Variants in DAPK1 observed in about 807,000 individuals in gnomAD.
DAPK1 encodes the protein death associated protein kinase 1.
In DAPK1, 56 loss-of-function variants were observed where a neutral mutation model predicts 144.9. The observed-to-expected ratio is 0.39, with a 90% CI of 0.31 to 0.48. DAPK1 has a LOEUF of 0.48. Among genes scored for constraint, DAPK1 ranks in the 20% least tolerant of loss-of-function variants. The pLI is 0.95. For synonymous variants in DAPK1, 690 were observed against 749.0 expected (o/e 0.92, Z 1.29); for missense variants, 1,454 against 1,875.4 (o/e 0.78, Z 4.15).
At chr9:87,578,082 T>A (rs1463403979) in intron 2 of DAPK1, among the ~76,000 whole-genome samples, 2 of 152,186 alleles carry the variant, frequency 1.3e-5, no homozygotes, top group Admixed American at 6.5e-5. Context: ...CTTCCGATTT[T>A]AAATGTAACT....
chr9:87,499,083 C>G lies in DAPK1; in HGVS notation c.6C>G (p.Thr2=), dbSNP rs758304973. M[T]VFRQENVDDY... is the part of the protein sequence containing the mutation. ...GTGAGGCGTGACAGTTTATCATGAC[C>G]GTGTTCAGGCAGGAAAACGTGGATG... The change falls in exon 2 of 26, where the codon ACC becomes ACG. Residue 2 remains threonine, a synonymous_variant. Transcript: ENST00000408954. 6.2e-7 allele frequency: 1 copy of G among 1,613,882 alleles called. No individual in the cohort carries two copies. The highest frequency in any genetic ancestry group is 1.3e-5 in the African/African-American group (1 of 74,882).
At chr9:87,648,660 G>T in intron 14 of DAPK1, 121 bp from the exon 15 acceptor site, 5 of 827,978 alleles carry the variant, frequency 6.0e-6, no homozygotes, top group African/African-American at 1.7e-5. Flanking sequence ...CCCAAGGTGG[G>T]TGGGTGGAAC....
intron 21 of DAPK1, among the ~76,000 whole-genome samples, chr9:87,689,334 G>A (rs1419557411): frequency 6.6e-6 from 1 of 151,688 alleles, no homozygotes; most frequent in East Asian, 2.0e-4. Context: ...TTTGGTTACT[G>A]TAGACCTTTG....
chr9:87,572,075 T>G (rs568681369), intron 2 of DAPK1, among the ~76,000 whole-genome samples: 2 of 152,248 alleles, frequency 1.3e-5, no homozygotes, highest in African/African-American at 2.4e-5. Context: ...AAAGACTTGC[T>G]CAGCATTGGC....
rs1564000933 is a variant in DAPK1, at chr9:87,571,482, CA to C, written c.63-33471del. ...ACACACACACACACACACCAACACA[CA>C]CACACACACACCCCAACACACACAC... On this transcript the variant is annotated intron_variant, in intron 2 of 25. Coordinates refer to ENST00000408954, the MANE Select transcript of DAPK1 (RefSeq NM_004938.4). 4.4e-3 allele frequency among the ~76,000 whole-genome samples: 259 copies of C among 59,304 alleles called. 29 individuals are homozygous for C. The highest frequency in any genetic ancestry group is 0.019 in the African/African-American group (237 of 12,184). 38.9% of individuals were successfully genotyped at this position (59,304 alleles called of 152,430 possible). A position where few individuals can be genotyped will look rare whatever the true frequency, so the allele number is the denominator to read the frequency against.
intron 1 of DAPK1, 94 bp downstream of exon 1, chr9:87,498,201 G>A (rs1179166204): frequency 1.3e-5 from 5 of 396,584 alleles, no homozygotes; most frequent in Non-Finnish European, 2.2e-5. Flanking sequence ...TCCGGGCAGT[G>A]CCTCGAGCAA....
intron 3 of DAPK1, among the ~76,000 whole-genome samples, chr9:87,623,405 T>A (rs948069330): frequency 1.3e-5 from 2 of 152,218 alleles, no homozygotes; most frequent in African/African-American, 4.8e-5. Context: ...AGAGACCTTT[T>A]GGGGATCCCA....
At chr9:87,565,205 G>A (rs1563997120) in intron 2 of DAPK1, among the ~76,000 whole-genome samples, 1 of 152,170 alleles carries the variant, frequency 6.6e-6, no homozygotes, top group Non-Finnish European at 1.5e-5. Context: ...GCAGCCTGGA[G>A]GGCAAACAGT....
At chr9:87,684,654 A>T (rs143424085) in intron 20 of DAPK1, among the ~76,000 whole-genome samples, 3 of 152,234 alleles carry the variant, frequency 2.0e-5, no homozygotes, top group African/African-American at 7.2e-5. Context: ...AGGTCATAGG[A>T]GGCATGAATG....
At chr9:87,549,409 G>A (rs952634717) in intron 2 of DAPK1, among the ~76,000 whole-genome samples, 5 of 152,030 alleles carry the variant, frequency 3.3e-5, no homozygotes, top group East Asian at 1.9e-4. Context: ...ATACCCATAC[G>A]TGTATCTTTA....
In DAPK1 at chr9:87,697,032, G is replaced by A; in HGVS notation, c.2439G>A (p.Glu813=). ...GAGTTGGCGATTTCAGCGTGTGGGA[G>A]TTCTCTGGAAATCCTGTGTATTTCT... ...LNGVGDFSVW[E]FSGNPVYFCC... The change falls in exon 22 of 26, where the codon GAG becomes GAA. Residue 813 remains glutamate (E), a synonymous_variant. Coordinates refer to ENST00000408954, the MANE Select transcript of DAPK1 (RefSeq NM_004938.4). 6.3e-7 allele frequency: 1 copy of A among 1,591,444 alleles called. No individual in the cohort carries two copies. The highest frequency in any genetic ancestry group is 1.7e-4 in the Middle Eastern group (1 of 6,030).
chr9:87,660,329 C>T (rs973842841), intron 18 of DAPK1, among the ~76,000 whole-genome samples: 6 of 151,938 alleles, frequency 3.9e-5, no homozygotes, highest in Non-Finnish European at 7.4e-5. Context: ...TTACTGGGGG[C>T]GTCGCCCTCA....
intron 2 of DAPK1, among the ~76,000 whole-genome samples, chr9:87,544,147 G>C (rs753992127): frequency 3.0e-4 from 45 of 152,030 alleles, no homozygotes; most frequent in Admixed American, 9.2e-4. Flanking sequence ...ACCCATCACT[G>C]CACTAACTCA....
intron 2 of DAPK1, among the ~76,000 whole-genome samples, chr9:87,561,354 G>T (rs1391859264): frequency 6.6e-6 from 1 of 152,022 alleles, no homozygotes; most frequent in African/African-American, 2.4e-5. Context: ...GTGAAACCTC[G>T]TCTCTCCTAA....
chr9:87,633,962 C>T (rs1194301951), intron 3 of DAPK1, among the ~76,000 whole-genome samples: 1 of 152,120 alleles, frequency 6.6e-6, no homozygotes, highest in Non-Finnish European at 1.5e-5. Flanking sequence ...TAGTGGCAGC[C>T]CCAGTTGGCC....
chr9:87,528,021 A>G (rs1825574532), intron 2 of DAPK1, among the ~76,000 whole-genome samples: 1 of 152,182 alleles, frequency 6.6e-6, no homozygotes, highest in Non-Finnish European at 1.5e-5. Context: ...TCATACACCA[A>G]TACATATATA....
intron 3 of DAPK1, among the ~76,000 whole-genome samples, chr9:87,623,729 C>G (rs1172033034): frequency 1.3e-5 from 2 of 152,068 alleles, no homozygotes; most frequent in Non-Finnish European, 2.9e-5. Context: ...GGGGATCGAG[C>G]TAACATTTCC....
intron 19 of DAPK1, among the ~76,000 whole-genome samples, chr9:87,669,558 A>T (rs1477164714): frequency 2.0e-5 from 3 of 151,534 alleles, no homozygotes; most frequent in Non-Finnish European, 4.4e-5. Context: ...CATTTTTTTA[A>T]AAACCACAAA....
At chr9:87,566,863 A>G (rs1423903787) in intron 2 of DAPK1, among the ~76,000 whole-genome samples, 1 of 152,188 alleles carries the variant, frequency 6.6e-6, no homozygotes, top group East Asian at 1.9e-4. Context: ...CACTGATGAA[A>G]CAGAAATTTT....
Sources: allele counts gnomAD v4.1 joint callset (sites outside exome capture counted in the v4.1 genomes callset), GRCh38; gene constraint gnomAD v4.1.1; transcripts MANE v1.5; gene names NCBI Gene and HGNC (gene_info 2026-07-23, HGNC 2026-07-21).